The following CTNNA3 variants were observed in gnomAD, a reference collection of about 807,000 sequenced individuals.
CTNNA3 encodes catenin alpha-3.
CTNNA3 carries 76 observed loss-of-function variants against 95.7 expected under a neutral mutation model. The observed-to-expected ratio is 0.79, with a 90% CI of 0.66 to 0.96. The LOEUF is 0.96. Among genes scored for constraint, CTNNA3 ranks in the 40% least tolerant of loss-of-function variants. The pLI is 0.00. For missense variants in CTNNA3, 1,191 were observed against 1,089.8 expected, an observed-to-expected ratio of 1.09 and a Z score of -1.31; for synonymous variants, 431 against 374.4, an observed-to-expected ratio of 1.15 and a Z score of -1.74.
At chr10:67,709,126 T>C (rs1841093362) in intron 1 of CTNNA3, among the ~76,000 whole-genome samples, 1 of 152,186 alleles carries the variant, frequency 6.6e-6, no homozygotes, top group African/African-American at 2.4e-5. Context: ...TAGATAAGGA[T>C]GCACTGTTGT....
intron 5 of CTNNA3, among the ~76,000 whole-genome samples, chr10:67,428,245 C>T (rs1215968833): frequency 1.3e-5 from 2 of 151,928 alleles, no homozygotes; most frequent in Admixed American, 1.3e-4. Flanking sequence ...GAATTAAATG[C>T]TCTTATCAAA....
chr10:67,380,172 AG>A (rs1843881603), intron 5 of CTNNA3, among the ~76,000 whole-genome samples: 1 of 152,196 alleles, frequency 6.6e-6, no homozygotes, highest in East Asian at 1.9e-4. Context: ...GGAATCTGAG[AG>A]GTCTTAGAAA....
intron 10 of CTNNA3, among the ~76,000 whole-genome samples, chr10:66,553,248 T>C (rs1454914368): frequency 1.3e-5 from 2 of 152,054 alleles, no homozygotes; most frequent in Non-Finnish European, 2.9e-5. Context: ...GCTATATGAC[T>C]CATTTTTTAA....
intron 3 of CTNNA3, among the ~76,000 whole-genome samples, chr10:67,572,251 A>G (rs1475729632): frequency 6.6e-6 from 1 of 152,172 alleles, no homozygotes; most frequent in Non-Finnish European, 1.5e-5. Context: ...GACTACCAAA[A>G]TATTTAAAAT....
At chr10:67,141,081 T>C (rs1252568184) in intron 7 of CTNNA3, among the ~76,000 whole-genome samples, 1 of 152,198 alleles carries the variant, frequency 6.6e-6, no homozygotes, top group Non-Finnish European at 1.5e-5. Flanking sequence ...ATCACCTCAA[T>C]GTAGAGGCAT....
chr10:67,482,523 A>C (rs1564681613), intron 5 of CTNNA3, among the ~76,000 whole-genome samples: 2 of 152,008 alleles, frequency 1.3e-5, no homozygotes, highest in Non-Finnish European at 2.9e-5. Context: ...TGTGAATGGG[A>C]GTTCACTCAT....
At chr10:66,004,488 A>T (rs554116462) in intron 15 of CTNNA3, among the ~76,000 whole-genome samples, 2 of 152,288 alleles carry the variant, frequency 1.3e-5, no homozygotes, top group South Asian at 4.1e-4. Context: ...TCATAGAGAC[A>T]TGTAACCTAG....
At chr10:66,767,354 G>GA (rs1346846670) in intron 8 of CTNNA3, among the ~76,000 whole-genome samples, 2 of 150,900 alleles carry the variant, frequency 1.3e-5, no homozygotes, top group East Asian at 3.9e-4. Flanking sequence ...GCTGAGGCAG[G>GA]AAAATCACTT....
chr10:66,794,392 T>A (rs1841108037), intron 7 of CTNNA3, among the ~76,000 whole-genome samples: 1 of 152,186 alleles, frequency 6.6e-6, no homozygotes, highest in Non-Finnish European at 1.5e-5. Context: ...AAGTTAAGTT[T>A]ACACAATACT....
intron 7 of CTNNA3, among the ~76,000 whole-genome samples, chr10:66,942,702 C>A (rs1848071396): frequency 6.6e-6 from 1 of 152,030 alleles, no homozygotes; most frequent in Non-Finnish European, 1.5e-5. Flanking sequence ...GGACATATCA[C>A]ACCTTCCCAT....
chr10:66,821,336 C>T (rs1842297818), intron 7 of CTNNA3, among the ~76,000 whole-genome samples: 2 of 151,854 alleles, frequency 1.3e-5, no homozygotes, highest in East Asian at 1.9e-4. Flanking sequence ...GCCAGCAGGT[C>T]CCTTGTCTTT....
At chr10:66,702,435 T>G (rs890050375) in intron 9 of CTNNA3, among the ~76,000 whole-genome samples, 1 of 152,106 alleles carries the variant, frequency 6.6e-6, no homozygotes, top group Non-Finnish European at 1.5e-5. Context: ...ACAATGGTTT[T>G]TGTCTTAGAA....
At chr10:67,691,228 A>G (rs1242540802) in intron 1 of CTNNA3, among the ~76,000 whole-genome samples, 3 of 152,112 alleles carry the variant, frequency 2.0e-5, no homozygotes, top group Non-Finnish European at 4.4e-5. Flanking sequence ...CAGTGGCATG[A>G]TCTCGGCTCA....
intron 2 of CTNNA3, among the ~76,000 whole-genome samples, chr10:67,626,539 G>A (rs59125964): frequency 0.13 from 20,210 of 152,062 alleles, 2,415 homozygotes; most frequent in African/African-American, 0.32. Flanking sequence ...CTTTCTCTAC[G>A]TCTGATACAC....
At chr10:66,410,039 T>G (rs2093090589) in intron 11 of CTNNA3, among the ~76,000 whole-genome samples, 1 of 152,200 alleles carries the variant, frequency 6.6e-6, no homozygotes, top group South Asian at 2.1e-4. Flanking sequence ...AAGTAATCTG[T>G]GCTAAAAGCA....
intron 7 of CTNNA3, among the ~76,000 whole-genome samples, chr10:66,879,518 G>A (rs1455152804): frequency 6.6e-6 from 1 of 152,086 alleles, no homozygotes; most frequent in African/African-American, 2.4e-5. Context: ...ACACACTACT[G>A]TGTATTTAGC....
intron 7 of CTNNA3, among the ~76,000 whole-genome samples, chr10:67,029,716 TACAA>T (rs1311072023): frequency 6.6e-6 from 1 of 152,352 alleles, no homozygotes; most frequent in East Asian, 1.9e-4. Flanking sequence ...AAGATATTTT[TACAA>T]ATTAACTTTT....
At chr10:66,588,590 G>T (rs762407377) in intron 10 of CTNNA3, among the ~76,000 whole-genome samples, 17 of 152,078 alleles carry the variant, frequency 1.1e-4, no homozygotes, top group Non-Finnish European at 2.5e-4. Context: ...TAGTCTGATA[G>T]GTTTTCCTTT....
At chr10:67,559,093 T>C (rs1280144756) in intron 3 of CTNNA3, among the ~76,000 whole-genome samples, 1 of 152,174 alleles carries the variant, frequency 6.6e-6, no homozygotes, top group East Asian at 1.9e-4. Flanking sequence ...CAGTAACCTC[T>C]GCAGACTTAA....
Sources: allele counts gnomAD v4.1 joint callset (sites outside exome capture counted in the v4.1 genomes callset), GRCh38; gene constraint gnomAD v4.1.1; transcripts MANE v1.5; gene names NCBI Gene and HGNC (gene_info 2026-07-23, HGNC 2026-07-21).